The following SEC14L1 variants were observed in gnomAD, a reference collection of about 807,000 sequenced individuals.
The protein encoded by SEC14L1 is SEC14-like protein 1.
In SEC14L1, 48 loss-of-function variants were observed where a neutral mutation model predicts 85.3. That is an observed-to-expected ratio of 0.56 (90% confidence interval 0.45 to 0.72). The LOEUF is 0.72. Ranked by LOEUF, SEC14L1 falls within the 30% of genes least tolerant of loss-of-function variation. SEC14L1 has a pLI of 0.00. For missense variants in SEC14L1, 682 were observed against 921.4 expected (o/e 0.74, Z 3.36); for synonymous variants, 391 against 355.5 (o/e 1.10, Z -1.12).
intron 3 of SEC14L1, among the ~76,000 whole-genome samples, chr17:77,124,224 C>G (rs1025940291): frequency 6.6e-6 from 1 of 152,072 alleles, no homozygotes; most frequent in Non-Finnish European, 1.5e-5. Flanking sequence ...AGTAGCCAGG[C>G]GTGGTGGCGT....
At chr17:77,106,809 C>G (rs1164138585) in intron 3 of SEC14L1, among the ~76,000 whole-genome samples, 2 of 152,090 alleles carry the variant, frequency 1.3e-5, no homozygotes. Context: ...TGCACTCCAA[C>G]CTAGGCAACA....
At chr17:77,189,944 CT>C (rs1975448060) in intron 3 of SEC14L1, among the ~76,000 whole-genome samples, 1 of 152,156 alleles carries the variant, frequency 6.6e-6, no homozygotes, top group East Asian at 1.9e-4. Context: ...GGGTCTTTCG[CT>C]GAGCAAATGT....
At chr17:77,111,418 A>G (rs1254447075) in intron 3 of SEC14L1, among the ~76,000 whole-genome samples, 10 of 149,112 alleles carry the variant, frequency 6.7e-5, no homozygotes, top group African/African-American at 2.0e-4. Flanking sequence ...TTTGAGACAG[A>G]GTCTCGCTTT....
intron 3 of SEC14L1, among the ~76,000 whole-genome samples, chr17:77,145,353 A>C (rs992632139): frequency 2.0e-5 from 3 of 152,166 alleles, no homozygotes; most frequent in African/African-American, 7.2e-5. Context: ...TAGTTTTAAC[A>C]AAAGAATCCC....
chr17:77,099,514 G>A (rs140820550), intron 3 of SEC14L1, among the ~76,000 whole-genome samples: 19 of 152,312 alleles, frequency 1.2e-4, no homozygotes, highest in African/African-American at 4.6e-4. Flanking sequence ...CCAGCACTTT[G>A]GGAGGCCAAG....
intron 3 of SEC14L1, among the ~76,000 whole-genome samples, chr17:77,105,061 C>T (rs1188686061): frequency 3.3e-5 from 5 of 151,982 alleles, no homozygotes; most frequent in Admixed American, 1.3e-4. Flanking sequence ...TGGTGAGACG[C>T]GGTTTCATTC....
At chr17:77,147,178 G>C (rs557761829) in intron 3 of SEC14L1, among the ~76,000 whole-genome samples, 2 of 152,312 alleles carry the variant, frequency 1.3e-5, no homozygotes, top group African/African-American at 4.8e-5. Context: ...GAGAGAGTGG[G>C]AGAAAACGCC....
rs921205289 is a variant in SEC14L1, at chr17:77,143,747, G to T, written c.63+88G>T. 5 of 936,148 alleles carry T rather than the reference G, an allele frequency of 5.3e-6. No homozygotes were observed. The Admixed American group carries it at 8.3e-5, about 16-fold the overall frequency. The allele number at this position is 936,148 out of a possible 1,614,324, so 58.0% of individuals were successfully genotyped here. A position where few individuals can be genotyped will look rare whatever the true frequency, so the allele number is the denominator to read the frequency against. ...TTGATGATCTATAGATTTATTGTTC[G>T]TCTCCATGGCATCACTTGAACTTAC... On this transcript the variant is annotated intron_variant, in intron 3 of 16. Coordinates refer to ENST00000436233, the MANE Select transcript of SEC14L1 (RefSeq NM_001143998.2).
chr17:77,211,731 A>G, intron 14 of SEC14L1: 2 of 601,504 alleles, frequency 3.3e-6, no homozygotes, highest in Non-Finnish European at 5.8e-6. Flanking sequence ...TGCAGGTCAC[A>G]AAGAACACAG....
intron 3 of SEC14L1, among the ~76,000 whole-genome samples, chr17:77,172,618 A>G (rs919082072): frequency 5.9e-5 from 9 of 151,914 alleles, no homozygotes; most frequent in African/African-American, 1.9e-4. Context: ...CCAGTTCTCT[A>G]TTTTCTATAA....
intron 3 of SEC14L1, among the ~76,000 whole-genome samples, chr17:77,123,010 T>G (rs951141337): frequency 1.3e-5 from 2 of 152,092 alleles, no homozygotes; most frequent in African/African-American, 4.8e-5. Flanking sequence ...AACAGGGGCT[T>G]TCTTTTCTGG....
chr17:77,142,675 G>A lies in SEC14L1; in HGVS notation c.-106G>A. 6.6e-6 allele frequency: 1 copy of A among 150,856 alleles called. No individual in the cohort carries two copies. 9.3% of individuals were successfully genotyped at this position (150,856 alleles called of 1,614,324 possible). ...ACTTCGGGCTCCTTGAGGATATTCAGTTTTGTATGTTTGAATATCCTCTCA... is the reference window on the plus strand; with the variant it reads ...ACTTCGGGCTCCTTGAGGATATTCAATTTTGTATGTTTGAATATCCTCTCA... On this transcript the variant is annotated 5_prime_UTR_variant, in exon 2 of 17. Coordinates refer to ENST00000436233, the MANE Select transcript of SEC14L1 (RefSeq NM_001143998.2).
chr17:77,104,205 C>T (rs1441635163), intron 3 of SEC14L1, among the ~76,000 whole-genome samples: 13 of 150,558 alleles, frequency 8.6e-5, no homozygotes, highest in South Asian at 8.4e-4. Flanking sequence ...CTGCAACCTC[C>T]GCCTTCTGGG....
At chr17:77,202,936 T>TAAAAAAAAAA in intron 9 of SEC14L1, among the ~76,000 whole-genome samples, 1 of 133,968 alleles carries the variant, frequency 7.5e-6, no homozygotes, top group African/African-American at 2.8e-5. Flanking sequence ...AATAAAAAAA[T>TAAAAAAAAAA]AAAAAAAAAA....
chr17:77,200,740 G>A, intron 9 of SEC14L1, 67 bp downstream of exon 9: 1 of 1,498,838 alleles, frequency 6.7e-7, no homozygotes, highest in Non-Finnish European at 9.0e-7. Flanking sequence ...TATCTTCCAA[G>A]GCCTCCTTCC....
chr17:77,172,780 T>C (rs746043087), intron 3 of SEC14L1, among the ~76,000 whole-genome samples: 5 of 152,184 alleles, frequency 3.3e-5, no homozygotes, highest in Non-Finnish European at 5.9e-5. Context: ...CCTTCCCTTG[T>C]TGTATATAGA....
At chr17:77,197,419 A>G (rs542857095) in intron 8 of SEC14L1, among the ~76,000 whole-genome samples, 2 of 152,340 alleles carry the variant, frequency 1.3e-5, no homozygotes, top group African/African-American at 4.8e-5. Context: ...CTGCCACATC[A>G]TGAAAACCCA....
intron 3 of SEC14L1, among the ~76,000 whole-genome samples, chr17:77,187,382 C>A (rs1975317067): frequency 6.6e-6 from 1 of 151,322 alleles, no homozygotes; most frequent in East Asian, 1.9e-4. Context: ...CCCCCCCCCA[C>A]ACCCCTTTTT....
At chr17:77,201,611 C>T (rs981018862) in intron 9 of SEC14L1, among the ~76,000 whole-genome samples, 5 of 152,030 alleles carry the variant, frequency 3.3e-5, no homozygotes, top group South Asian at 4.2e-4. Context: ...CCACCACGCC[C>T]GGCTACTTTT....
Sources: allele counts gnomAD v4.1 joint callset (sites outside exome capture counted in the v4.1 genomes callset), GRCh38; gene constraint gnomAD v4.1.1; transcripts MANE v1.5; gene names NCBI Gene and HGNC (gene_info 2026-07-23, HGNC 2026-07-21).